Variants in ZNF106 observed in about 807,000 individuals in gnomAD.
The protein encoded by ZNF106 is zinc finger protein 106.
ZNF106 carries 67 observed loss-of-function variants against 195.1 expected under a neutral mutation model. The ratio of observed to expected loss-of-function variants is 0.34; its 90% confidence interval spans 0.28 to 0.42. ZNF106 has a LOEUF of 0.42. Ranked by LOEUF, ZNF106 falls within the 10% of genes least tolerant of loss-of-function variation. The pLI is 1.00. For synonymous variants in ZNF106, 784 were observed against 818.6 expected, an observed-to-expected ratio of 0.96 and a Z score of 0.72; for missense variants, 2,118 against 2,304.5, an observed-to-expected ratio of 0.92 and a Z score of 1.66.
intron 3 of ZNF106, among the ~76,000 whole-genome samples, chr15:42,460,169 T>C (rs1462775510): frequency 6.6e-6 from 1 of 152,172 alleles, no homozygotes; most frequent in Non-Finnish European, 1.5e-5. Flanking sequence ...CAGAGACATC[T>C]TTCTATTGGG....
intron 1 of ZNF106, among the ~76,000 whole-genome samples, chr15:42,472,936 G>A (rs1189369386): frequency 3.3e-5 from 5 of 151,468 alleles, no homozygotes; most frequent in Non-Finnish European, 7.4e-5. Flanking sequence ...GAACCCAAGA[G>A]CGGAGGTTGC....
chr15:42,454,700 A>AT (rs2056166149), intron 4 of ZNF106, among the ~76,000 whole-genome samples: 1 of 151,896 alleles, frequency 6.6e-6, no homozygotes, highest in Non-Finnish European at 1.5e-5. Context: ...CCTGGGTGAC[A>AT]TGGCTAAACC....
At chr15:42,417,613 C>T (rs1411925100) in intron 21 of ZNF106, among the ~76,000 whole-genome samples, 192 bp downstream of exon 21, 1 of 152,180 alleles carries the variant, frequency 6.6e-6, no homozygotes, top group Admixed American at 6.6e-5. Flanking sequence ...TCTCTTTAGG[C>T]CCTTTCTCAA....
chr15:42,446,484 A>G, intron 7 of ZNF106, 105 bp downstream of exon 7: 1 of 814,902 alleles, frequency 1.2e-6, no homozygotes, highest in Non-Finnish European at 2.1e-6. Context: ...GGCTGAGAGA[A>G]GAGGATTGCT....
chr15:42,428,615 A>G (rs1271489468), intron 14 of ZNF106, among the ~76,000 whole-genome samples: 3 of 152,168 alleles, frequency 2.0e-5, no homozygotes, highest in African/African-American at 7.2e-5. Flanking sequence ...TAAATTACTC[A>G]AGAGGCTTTT....
chr15:42,474,767 A>AAAGG (rs2056751445), intron 1 of ZNF106, among the ~76,000 whole-genome samples: 1 of 152,112 alleles, frequency 6.6e-6, no homozygotes, highest in Non-Finnish European at 1.5e-5. Flanking sequence ...AGAAAGAAAG[A>AAAGG]AAGAAAATAC....
chr15:42,460,795 G>A (rs1047154564), intron 3 of ZNF106, among the ~76,000 whole-genome samples: 21 of 151,854 alleles, frequency 1.4e-4, no homozygotes, highest in African/African-American at 5.1e-4. Context: ...AGGAGGTGGA[G>A]GTTGCGGTGA....
At chr15:42,466,390 A>G (rs985052718) in intron 2 of ZNF106, among the ~76,000 whole-genome samples, 1 of 152,226 alleles carries the variant, frequency 6.6e-6, no homozygotes, top group Non-Finnish European at 1.5e-5. Flanking sequence ...AAAACACTTA[A>G]GAGTAAACTA....
intron 5 of ZNF106, among the ~76,000 whole-genome samples, chr15:42,449,379 G>C (rs1488556321): frequency 6.6e-6 from 1 of 152,162 alleles, no homozygotes; most frequent in Non-Finnish European, 1.5e-5. Context: ...AAGGTAATGA[G>C]AACAGTTGTA....
Position 42,451,010 on chromosome 15 carries a change from C to G in ZNF106, c.1262G>C (p.Arg421Pro), listed in dbSNP as rs749476933. 4 of 1,614,134 alleles carry G rather than the reference C, an allele frequency of 2.5e-6. No individual in the cohort carries two copies. The East Asian group carries it at 8.9e-5, about 36-fold the overall frequency. Residue 421 changes from arginine (R) to proline (P), a missense_variant, in exon 5 of 22, where the codon CGT (arginine) becomes CCT (proline). Physicochemically the swap from Arg to Pro is moderately radical, Grantham distance 103. Coordinates refer to ENST00000564754, the MANE Select transcript of ZNF106 (RefSeq NM_001366845.3). ...GIQEPQTDET[R>P]NSPTQKTQKE... ...TTGTGTTTTCTGTGTTGGGGAATTA[C>G]GTGTTTCATCAGTTTGGGGCTCCTG...
intron 9 of ZNF106, among the ~76,000 whole-genome samples, chr15:42,443,197 T>C (rs1276086334): frequency 6.6e-6 from 1 of 152,154 alleles, no homozygotes; most frequent in Non-Finnish European, 1.5e-5. Context: ...TTTAAATGAC[T>C]TATCCAAAGT....
intron 1 of ZNF106, among the ~76,000 whole-genome samples, chr15:42,489,675 G>A (rs2141476117): frequency 6.6e-6 from 1 of 152,248 alleles, no homozygotes; most frequent in Middle Eastern, 3.4e-3. Flanking sequence ...TGAGAACGGG[G>A]CTTAAAGCAA....
At chr15:42,458,410 A>G (rs1202956270) in intron 3 of ZNF106, among the ~76,000 whole-genome samples, 7 of 140,000 alleles carry the variant, frequency 5.0e-5, no homozygotes, top group Non-Finnish European at 1.1e-4. Context: ...TCATTCAAGG[A>G]AAAAAAAAAA....
Position 42,417,946 on chromosome 15 carries a change from A to G in ZNF106, c.5523T>C (p.His1841=), listed in dbSNP as rs1222930573. The G allele has an allele frequency of 6.8e-6, 11 of 1,612,954 alleles. No individual in the cohort carries two copies. The highest frequency in any genetic ancestry group is 5.0e-5 in the Admixed American group (3 of 59,814). Residue 1841 remains histidine (H), a synonymous_variant, in exon 21 of 22, where the codon CAT becomes CAC. Coordinates refer to ENST00000564754, the MANE Select transcript of ZNF106 (RefSeq NM_001366845.3). The part of the protein sequence containing the change: ...NLMQNYRCWW[H]GCSLIFGVVD... ...CAACGCCAAATATCAGAGAGCAACC[A>G]TGCCACTGGAGAGAAAGAAAATGAG...
chr15:42,452,104 A>G, intron 4 of ZNF106, 150 bp from the exon 5 acceptor site: 2 of 707,466 alleles, frequency 2.8e-6, no homozygotes, highest in Non-Finnish European at 4.5e-6. Flanking sequence ...GGTTGTTTTC[A>G]TATCTTTAAA....
In ZNF106 at chr15:42,417,202, T is replaced by A; in HGVS notation, c.*102A>T. On this transcript the variant is annotated 3_prime_UTR_variant, in exon 22 of 22. Coordinates refer to ENST00000564754, the MANE Select transcript of ZNF106 (RefSeq NM_001366845.3). ...GTATGCCTGGCTAGTAACCACTTTC[T>A]CCTTCCTTACTTCACCAAGAAAGGG... The A allele has an allele frequency of 7.6e-7, 1 of 1,323,058 alleles. No individual in the cohort carries two copies. The highest frequency in any genetic ancestry group is 1.1e-6 in the Non-Finnish European group (1 of 932,678). The allele number at this position is 1,323,058 out of a possible 1,614,324, so 82.0% of individuals were successfully genotyped here.
At chr15:42,469,142 A>G (rs1004339522) in intron 2 of ZNF106, among the ~76,000 whole-genome samples, 1 of 151,792 alleles carries the variant, frequency 6.6e-6, no homozygotes, top group East Asian at 1.9e-4. Flanking sequence ...CCGAGGTCAC[A>G]CCATTGCACT....
Position 42,485,723 on chromosome 15 carries a change from T to A in ZNF106, c.-33+5257A>T, listed in dbSNP as rs577999765. Among the ~76,000 whole-genome samples, 44 of 152,236 alleles carry A rather than the reference T, an allele frequency of 2.9e-4. No homozygotes were observed. The South Asian group carries it at 3.3e-3, about 11-fold the overall frequency. On this transcript the variant is annotated intron_variant, in intron 1 of 21. Coordinates refer to ENST00000564754, the MANE Select transcript of ZNF106 (RefSeq NM_001366845.3). ...AGACGTTGGAAAATAAAAGAGTGGATAAATAAAAATTATTATAAAATAAAA... is the reference window on the plus strand; with the variant it reads ...AGACGTTGGAAAATAAAAGAGTGGAAAAATAAAAATTATTATAAAATAAAA...
chr15:42,461,522 A>G (rs2056391252), intron 3 of ZNF106, among the ~76,000 whole-genome samples: 1 of 152,276 alleles, frequency 6.6e-6, no homozygotes. Flanking sequence ...TGAATAAATA[A>G]AGGTTTGTGC....
Sources: allele counts gnomAD v4.1 joint callset (sites outside exome capture counted in the v4.1 genomes callset), GRCh38; gene constraint gnomAD v4.1.1; transcripts MANE v1.5; gene names NCBI Gene and HGNC (gene_info 2026-07-23, HGNC 2026-07-21).